Variants in CDC42EP4 observed in about 807,000 individuals in gnomAD.
CDC42EP4 encodes the protein CDC42 effector protein 4, also known as CDC42 effector protein (Rho GTPase binding) 4.
Under a neutral mutation model 5.6 loss-of-function variants are expected in CDC42EP4, and 6 were observed. The observed-to-expected ratio is 1.07, with a 90% confidence interval of 0.59 to 2.12. The LOEUF (loss-of-function observed/expected upper bound fraction) is 2.12, where lower values mean the gene tolerates loss of function less well. Ranked by LOEUF, CDC42EP4 falls within the 30% of genes most tolerant of loss-of-function variation. The pLI is 0.00. For missense variants in CDC42EP4, 490 were observed against 508.6 expected (o/e 0.96, Z 0.35); for synonymous variants, 230 against 224.2 (o/e 1.03, Z -0.23).
In CDC42EP4 at chr17:73,285,924, C is replaced by G; in HGVS notation, c.577G>C (p.Val193Leu). Reference protein sequence around the residue: ...AFGDLTDLPVVPKATYGLKHA... With the variant: ...AFGDLTDLPVLPKATYGLKHA... Reference sequence around the variant, plus strand: ...TTCAGCCCGTACGTGGCCTTGGGCACGACAGGCAGATCTGTCAGATCCCCA... The same window carrying G: ...TTCAGCCCGTACGTGGCCTTGGGCAGGACAGGCAGATCTGTCAGATCCCCA... The change falls in exon 2 of 2, where the codon GTG (valine) becomes CTG (leucine). Residue 193 changes from valine to leucine, a missense_variant. Coordinates refer to ENST00000335793, the MANE Select transcript of CDC42EP4 (RefSeq NM_012121.5). The surrounding 1 kb of genome is among the most constrained non-coding windows in gnomAD (Gnocchi z 6.8). 6.2e-7 allele frequency: 1 copy of G among 1,613,892 alleles called. No individual in the cohort carries two copies.
intron 1 of CDC42EP4, among the ~76,000 whole-genome samples, chr17:73,308,754 G>T (rs1419529776): frequency 6.6e-6 from 1 of 151,864 alleles, no homozygotes; most frequent in Non-Finnish European, 1.5e-5. Flanking sequence ...GTTGGCCAGG[G>T]CTGGGTGCAG....
chr17:73,295,404 C>T (rs2062179579), intron 1 of CDC42EP4, among the ~76,000 whole-genome samples: 1 of 152,136 alleles, frequency 6.6e-6, no homozygotes, highest in Non-Finnish European at 1.5e-5. Context: ...TGTTTGCTAC[C>T]ATCTTGCCCA....
At chr17:73,301,469 A>G (rs2062218818) in intron 1 of CDC42EP4, among the ~76,000 whole-genome samples, 1 of 152,228 alleles carries the variant, frequency 6.6e-6, no homozygotes, top group Non-Finnish European at 1.5e-5. Flanking sequence ...TTTACATCCA[A>G]TCAGGGATTG....
At chr17:73,310,746 C>CACAT (rs2062269523) in intron 1 of CDC42EP4, 1 of 6,818 alleles carries the variant, frequency 1.5e-4, no homozygotes, top group Admixed American at 9.1e-4. Flanking sequence ...CCCCCAGTCA[C>CACAT]ACACACACAC....
At chr17:73,296,593 A>T (rs2062186984) in intron 1 of CDC42EP4, among the ~76,000 whole-genome samples, 1 of 152,168 alleles carries the variant, frequency 6.6e-6, no homozygotes, top group South Asian at 2.1e-4. Context: ...ATGGCATTAA[A>T]TGGAAGTGCA....
chr17:73,298,137 T>A (rs1471895630), intron 1 of CDC42EP4, among the ~76,000 whole-genome samples: 4 of 152,086 alleles, frequency 2.6e-5, no homozygotes, highest in African/African-American at 9.7e-5. Flanking sequence ...TGAGAACTGG[T>A]CTCCATCCGT....
chr17:73,287,777 CCA>C (rs1380381345), intron 1 of CDC42EP4, among the ~76,000 whole-genome samples: 3 of 152,140 alleles, frequency 2.0e-5, no homozygotes, highest in African/African-American at 7.2e-5. Flanking sequence ...CCCACTCTTC[CCA>C]CTGCAAAACT....
chr17:73,309,025 A>G (rs2062259185), intron 1 of CDC42EP4, among the ~76,000 whole-genome samples: 1 of 74,622 alleles, frequency 1.3e-5, no homozygotes, highest in East Asian at 4.4e-4. Context: ...GCAACAGAGC[A>G]AAGCTCTGTC....
At position 73,297,001 on chromosome 17, in the gene CDC42EP4, A is replaced by AAAAAAAAAAAAAACAC. The variant is rs547362762; in HGVS notation, c.-112-10390_-112-10389insGTGTTTTTTTTTTTTT. Among the ~76,000 whole-genome samples the AAAAAAAAAAAAAACAC allele has an allele frequency of 5.5e-4, 34 of 61,764 alleles. 9 individuals are homozygous for AAAAAAAAAAAAAACAC. The highest frequency in any genetic ancestry group is 1.1e-3 in the South Asian group (2 of 1,828). 40.5% of individuals were successfully genotyped at this position (61,764 alleles called of 152,430 possible). On this transcript the variant is annotated intron_variant, in intron 1 of 1. Transcript: ENST00000335793. ...GTCTCAAAAAAAAAAAAAAAAAAAA[A>AAAAAAAAAAAAAACAC]AAATACACAAGGCCAAGCGCCGTGG...
rs1568339024 is a variant in CDC42EP4, at chr17:73,285,178, C to T, written c.*252G>A. ...AAAACCTATTCCTGCTGTGACAACA[C>T]AGCCCTTGTCCCACGCAGCCTAAGT... On this transcript the variant is annotated 3_prime_UTR_variant, in exon 2 of 2. Coordinates refer to ENST00000335793, the MANE Select transcript of CDC42EP4 (RefSeq NM_012121.5). The surrounding 1 kb of genome is among the most constrained non-coding windows in gnomAD (Gnocchi z 6.8). 1 of 358,228 alleles carries T rather than the reference C, an allele frequency of 2.8e-6. No individual in the cohort carries two copies. The highest frequency in any genetic ancestry group is 4.2e-5 in the East Asian group (1 of 23,554). 22.2% of individuals were successfully genotyped at this position (358,228 alleles called of 1,614,324 possible).
intron 1 of CDC42EP4, among the ~76,000 whole-genome samples, chr17:73,309,376 T>C (rs1259733027): frequency 6.6e-6 from 1 of 152,088 alleles, no homozygotes; most frequent in African/African-American, 2.4e-5. Flanking sequence ...ATAAAAATTA[T>C]TTTTAAAATC....
intron 1 of CDC42EP4, among the ~76,000 whole-genome samples, chr17:73,294,025 T>C (rs1245659421): frequency 6.6e-6 from 1 of 152,208 alleles, no homozygotes; most frequent in East Asian, 1.9e-4. Flanking sequence ...CTCACTGCTG[T>C]AATATTCTGA....
chr17:73,304,274 C>CT (rs896802514), intron 1 of CDC42EP4, among the ~76,000 whole-genome samples: 3 of 138,698 alleles, frequency 2.2e-5, no homozygotes, highest in African/African-American at 8.7e-5. Context: ...TTTTCTTCTT[C>CT]TTCTTTTTTT....
intron 1 of CDC42EP4, among the ~76,000 whole-genome samples, chr17:73,308,310 A>C (rs759939908): frequency 6.6e-6 from 1 of 152,176 alleles, no homozygotes; most frequent in Non-Finnish European, 1.5e-5. Flanking sequence ...CAGAAGAGCT[A>C]CGCAGAGCTC....
chr17:73,298,708 T>C (rs1476849594), intron 1 of CDC42EP4, among the ~76,000 whole-genome samples: 8 of 152,170 alleles, frequency 5.3e-5, no homozygotes, highest in Non-Finnish European at 8.8e-5. Context: ...AAAGTGAGTC[T>C]TAGCTCAAGA....
chr17:73,299,625 A>C (rs1222531241), intron 1 of CDC42EP4, among the ~76,000 whole-genome samples: 1 of 151,916 alleles, frequency 6.6e-6, no homozygotes, highest in East Asian at 1.9e-4. Flanking sequence ...ACAACTTCTA[A>C]GTGGTTATTT....
chr17:73,286,062 C>T lies in CDC42EP4; in HGVS notation c.439G>A (p.Ala147Thr). The T allele has an allele frequency of 1.2e-6, 2 of 1,613,980 alleles. No homozygotes were observed. Among genetic ancestry groups the T allele is most frequent in the Non-Finnish European group, 1.7e-6 (2 of 1,180,024 alleles). ...TCATCGCCGCCCTCCCCGTCATTGG[C>T]CTTCTTCACGGGGCTGGATGACAGG... The part of the protein sequence containing the change: ...KSLSSSPVKK[A>T]NDGEGGDEEA... Residue 147 changes from alanine to threonine, a missense_variant, in exon 2 of 2, where the codon GCC becomes ACC. Physicochemically the swap from Ala to Thr is moderately conservative, Grantham distance 58. Transcript: ENST00000335793. The surrounding 1 kb of genome is among the most constrained non-coding windows in gnomAD (Gnocchi z 7.7).
At chr17:73,292,081 G>C (rs565670047) in intron 1 of CDC42EP4, among the ~76,000 whole-genome samples, 1 of 152,232 alleles carries the variant, frequency 6.6e-6, no homozygotes, top group Admixed American at 6.5e-5. Flanking sequence ...AGCTTGGCTT[G>C]AGGCAGGCGC....
At chr17:73,310,975 G>T (rs2062271622) in intron 1 of CDC42EP4, 1 of 152,286 alleles carries the variant, frequency 6.6e-6, no homozygotes, top group South Asian at 2.1e-4. Flanking sequence ...GCTCCGGAGA[G>T]GGGGCGGGGC....
Sources: allele counts gnomAD v4.1 joint callset (sites outside exome capture counted in the v4.1 genomes callset), GRCh38; gene constraint gnomAD v4.1.1; non-coding constraint Gnocchi (gnomAD v3.1); transcripts MANE v1.5; gene names NCBI Gene and HGNC (gene_info 2026-07-23, HGNC 2026-07-21).